EPC1: variants seen among roughly 807,000 people sequenced by gnomAD.
The protein encoded by EPC1 is enhancer of polycomb homolog 1.
Under a neutral mutation model 98.4 loss-of-function variants are expected in EPC1, and 12 were observed. The observed-to-expected ratio is 0.12, with a 90% CI of 0.08 to 0.20. The LOEUF (loss-of-function observed/expected upper bound fraction) is 0.20, where lower values mean the gene tolerates loss of function less well. Ranked by LOEUF, EPC1 falls within the 10% of genes least tolerant of loss-of-function variation. EPC1 has a pLI of 1.00. For missense variants in EPC1, 729 were observed against 990.5 expected (o/e 0.74, Z 3.54); for synonymous variants, 357 against 363.9 (o/e 0.98, Z 0.21).
chr10:32,308,358 C>T (rs1274728305), intron 1 of EPC1, among the ~76,000 whole-genome samples: 2 of 149,852 alleles, frequency 1.3e-5, no homozygotes, highest in Non-Finnish European at 3.0e-5. Context: ...CCGCTGCACT[C>T]CAGCCTGGGT....
chr10:32,320,695 A>G (rs1018681137), intron 1 of EPC1, among the ~76,000 whole-genome samples: 1 of 152,078 alleles, frequency 6.6e-6, no homozygotes, highest in East Asian at 1.9e-4. Flanking sequence ...CCTGGGCTCA[A>G]GTGATTCACC....
chr10:32,335,622 G>A (rs1592610994), intron 1 of EPC1, among the ~76,000 whole-genome samples: 1 of 152,166 alleles, frequency 6.6e-6, no homozygotes, highest in East Asian at 1.9e-4. Flanking sequence ...GAAGTTCACA[G>A]CATCACTCTC....
At chr10:32,308,081 T>C (rs1433437291) in intron 1 of EPC1, among the ~76,000 whole-genome samples, 1 of 152,178 alleles carries the variant, frequency 6.6e-6, no homozygotes, top group Admixed American at 6.5e-5. Flanking sequence ...GTAGCTGTAG[T>C]TGAGAACAGA....
At chr10:32,288,647 G>A (rs1405008251) in intron 6 of EPC1, among the ~76,000 whole-genome samples, 3 of 152,024 alleles carry the variant, frequency 2.0e-5, no homozygotes, top group Non-Finnish European at 2.9e-5. Context: ...TGCTGCACCC[G>A]GCCTAAAGTA....
At chr10:32,328,573 G>A (rs1837442208) in intron 1 of EPC1, among the ~76,000 whole-genome samples, 1 of 152,222 alleles carries the variant, frequency 6.6e-6, no homozygotes, top group South Asian at 2.1e-4. Context: ...ATGAGGCTAA[G>A]GAAGATGATG....
At chr10:32,323,956 GAC>G (rs1044725377) in intron 1 of EPC1, among the ~76,000 whole-genome samples, 27 of 151,926 alleles carry the variant, frequency 1.8e-4, no homozygotes, top group African/African-American at 6.5e-4. Flanking sequence ...ATTTTTTTGA[GAC>G]AGAGTCTCGC....
intron 6 of EPC1, among the ~76,000 whole-genome samples, chr10:32,289,780 C>G (rs938486605): frequency 1.3e-5 from 2 of 151,974 alleles, no homozygotes. Flanking sequence ...CCCACCAGCA[C>G]GCCCGGCTAT....
chr10:32,295,101 A>G (rs937779205), intron 2 of EPC1, among the ~76,000 whole-genome samples: 5 of 152,020 alleles, frequency 3.3e-5, no homozygotes, highest in African/African-American at 1.2e-4. Context: ...CACTTCACAT[A>G]CTTTATAATC....
intron 1 of EPC1, among the ~76,000 whole-genome samples, chr10:32,321,336 T>A (rs752754547): frequency 6.6e-6 from 1 of 152,004 alleles, no homozygotes; most frequent in Non-Finnish European, 1.5e-5. Context: ...AGTTTGCAGA[T>A]CTTTAATATA....
At chr10:32,356,702 C>T (rs1316596109) in intron 1 of EPC1, among the ~76,000 whole-genome samples, 1 of 152,066 alleles carries the variant, frequency 6.6e-6, no homozygotes, top group Admixed American at 6.5e-5. Flanking sequence ...TAAACATTTA[C>T]CGCCAGGCGC....
At chr10:32,342,201 A>C (rs902645717) in intron 1 of EPC1, among the ~76,000 whole-genome samples, 1 of 152,228 alleles carries the variant, frequency 6.6e-6, no homozygotes, top group Non-Finnish European at 1.5e-5. Context: ...GATTTCATGT[A>C]TTTCTCTTCA....
intron 1 of EPC1, among the ~76,000 whole-genome samples, chr10:32,356,420 G>T (rs1321631343): frequency 6.6e-6 from 1 of 151,904 alleles, no homozygotes; most frequent in Non-Finnish European, 1.5e-5. Flanking sequence ...ACTCACTCAG[G>T]GAGTGAGAGA....
chr10:32,371,556 C>T (rs1839749901), intron 1 of EPC1, among the ~76,000 whole-genome samples: 1 of 152,168 alleles, frequency 6.6e-6, no homozygotes, highest in Admixed American at 6.5e-5. Context: ...ACATTAATGA[C>T]TCGTTGGCAA....
In EPC1 at chr10:32,267,769, A is replaced by G. The variant is rs1358024548; in HGVS notation, c.*1294T>C. On this transcript the variant is annotated 3_prime_UTR_variant, in exon 14 of 14. Transcript: ENST00000319778. ...CTACACATTAGTTTGTCAACATGTA[A>G]TGCCCTGGGTTTATTTTGTGAGAAT... 1 of 152,254 alleles carries G rather than the reference A, an allele frequency of 6.6e-6. No individual in the cohort carries two copies. The allele number at this position is 152,254 out of a possible 1,614,324, so 9.4% of individuals were successfully genotyped here.
At position 32,360,948 on chromosome 10, in the gene EPC1, A is replaced by G. The variant is rs77417991; in HGVS notation, c.3+17543T>C. Among the ~76,000 whole-genome samples the G allele has an allele frequency of 4.7e-3, 713 of 152,152 alleles. 6 individuals are homozygous for G. The highest frequency in any genetic ancestry group is 0.017 in the Middle Eastern group (5 of 292). ...TAATCAATGTGGTCTCTCTAACCCA[A>G]TGAGAATTCCTGTCAAACAGCCCGT... On this transcript the variant is annotated intron_variant, in intron 1 of 13. Transcript: ENST00000375110.
chr10:32,352,725 T>C (rs1126369), intron 1 of EPC1, among the ~76,000 whole-genome samples: 98,070 of 152,036 alleles, frequency 0.65, 32,139 homozygotes, highest in Middle Eastern at 0.76. Flanking sequence ...TAGTATGTAC[T>C]AGGTGATGCA....
chr10:32,311,867 T>C (rs1309107236), intron 1 of EPC1, among the ~76,000 whole-genome samples: 1 of 152,210 alleles, frequency 6.6e-6, no homozygotes, highest in African/African-American at 2.4e-5. Flanking sequence ...AATGCCTCCA[T>C]GATGTGATGA....
rs1564516543 is a variant in EPC1 at position 32,271,580 on chromosome 10, A to G, written c.2343T>C (p.Ser781=). 3 of 1,614,058 alleles carry G rather than the reference A, an allele frequency of 1.9e-6. No homozygotes were observed. Among genetic ancestry groups the G allele is most frequent in the Non-Finnish European group, 2.5e-6 (3 of 1,180,024 alleles). Residue 781 remains serine, a synonymous_variant, in exon 13 of 14, where the codon TCT becomes TCC. Coordinates refer to ENST00000319778, the MANE Select transcript of EPC1 (RefSeq NM_001272004.3). ...AANCQVSKVP[S]SSSVDSVPRE... The stretch of plus-strand genomic sequence containing the variant: ...TTGGAACTGAATCTACAGAGGATGA[A>G]GATGGGACCTTGGAAACTTGACAGT...
At position 32,284,356 on chromosome 10, in the gene EPC1, T is replaced by G. The variant is rs140507892; in HGVS notation, c.1744+342A>C. ...AAACTAGGTAAAAACTAGAGAAATA[T>G]CTGAACATAAAATGGTTAACAATTT... On this transcript the variant is annotated intron_variant, in intron 10 of 13. Coordinates refer to ENST00000319778, the MANE Select transcript of EPC1 (RefSeq NM_001272004.3). The G allele has an allele frequency of 2.2e-4, 41 of 190,266 alleles. 1 individual carries two copies. Among genetic ancestry groups the G allele is most frequent in the Admixed American group, 2.0e-3 (36 of 18,118 alleles). 11.8% of individuals were successfully genotyped at this position (190,266 alleles called of 1,614,324 possible).
Sources: allele counts gnomAD v4.1 joint callset (sites outside exome capture counted in the v4.1 genomes callset), GRCh38; gene constraint gnomAD v4.1.1; transcripts MANE v1.5; gene names NCBI Gene and HGNC (gene_info 2026-07-23, HGNC 2026-07-21).